DLG2: variants seen among roughly 807,000 people sequenced by gnomAD.
The protein encoded by DLG2 is discs large MAGUK scaffold protein 2.
Under a neutral mutation model 132.5 loss-of-function variants are expected in DLG2, and 45 were observed. The observed-to-expected ratio is 0.34, with a 90% CI of 0.27 to 0.44. The LOEUF (loss-of-function observed/expected upper bound fraction) is 0.44, where lower values mean the gene tolerates loss of function less well. DLG2 is among the 20% of genes least tolerant of loss of function. DLG2 has a pLI of 1.00. For synonymous variants in DLG2, 424 were observed against 419.6 expected (o/e 1.01, Z -0.13); for missense variants, 1,045 against 1,196.9 (o/e 0.87, Z 1.87).
At chr11:84,301,621 T>C (rs188695858) in intron 7 of DLG2, among the ~76,000 whole-genome samples, 4 of 125,976 alleles carry the variant, frequency 3.2e-5, no homozygotes, top group Admixed American at 1.0e-4. Flanking sequence ...ATCATGCCAC[T>C]GCACTCCAGC....
intron 19 of DLG2, among the ~76,000 whole-genome samples, chr11:83,599,326 G>A (rs2058138459): frequency 6.6e-6 from 1 of 152,058 alleles, no homozygotes; most frequent in Non-Finnish European, 1.5e-5. Context: ...TGCTGAACCA[G>A]GTCTTGCATG....
intron 6 of DLG2, among the ~76,000 whole-genome samples, chr11:84,831,768 A>G (rs1030311795): frequency 1.3e-5 from 2 of 151,692 alleles, no homozygotes; most frequent in African/African-American, 4.8e-5. Flanking sequence ...ACTCATATTC[A>G]ACTGTTTCCC....
intron 6 of DLG2, among the ~76,000 whole-genome samples, chr11:85,038,707 A>C (rs1054042550): frequency 2.6e-5 from 4 of 152,192 alleles, no homozygotes; most frequent in Middle Eastern, 3.4e-3. Context: ...TAAAAATTTA[A>C]AGAAAACAAC....
At chr11:84,214,469 C>T (rs192892133) in intron 8 of DLG2, among the ~76,000 whole-genome samples, 1 of 151,310 alleles carries the variant, frequency 6.6e-6, no homozygotes, top group Admixed American at 6.6e-5. Context: ...CTGAGTATAT[C>T]TATATGTATG....
chr11:84,888,293 C>T (rs115573052), intron 6 of DLG2, among the ~76,000 whole-genome samples: 1,892 of 152,150 alleles, frequency 0.012, 39 homozygotes, highest in African/African-American at 0.042. Context: ...ATTATCCAAT[C>T]GATTCAGGGT....
intron 7 of DLG2, among the ~76,000 whole-genome samples, chr11:84,317,527 C>T (rs187333978): frequency 2.2e-4 from 33 of 152,268 alleles, no homozygotes; most frequent in Admixed American, 2.2e-3. Context: ...TCCGGCTTTT[C>T]CCTTTCCTTG....
At chr11:85,583,088 A>ATGTGTGTGTGTGTG (rs3068389) in intron 3 of DLG2, among the ~76,000 whole-genome samples, 2 of 29,852 alleles carry the variant, frequency 6.7e-5, no homozygotes, top group African/African-American at 2.6e-4. Context: ...AATATATGTG[A>ATGTGTGTGTGTGTG]TGTGTGTGTG....
chr11:84,948,671 C>T (rs2050532953), intron 6 of DLG2, among the ~76,000 whole-genome samples: 1 of 152,186 alleles, frequency 6.6e-6, no homozygotes, highest in Non-Finnish European at 1.5e-5. Context: ...GTTCAAGATA[C>T]TGGAAACAAT....
intron 18 of DLG2, among the ~76,000 whole-genome samples, chr11:83,692,394 A>G (rs1383483798): frequency 1.3e-5 from 2 of 152,248 alleles, no homozygotes; most frequent in African/African-American, 2.4e-5. Context: ...GTTATATAAA[A>G]GAATGTAGGT....
intron 5 of DLG2, among the ~76,000 whole-genome samples, chr11:85,119,522 G>A (rs1169973774): frequency 2.0e-5 from 3 of 151,928 alleles, no homozygotes; most frequent in East Asian, 1.9e-4. Flanking sequence ...TGAGAAAAAC[G>A]GAATGGGCTG....
chr11:85,112,395 G>C (rs2072914768), intron 5 of DLG2, among the ~76,000 whole-genome samples: 1 of 151,762 alleles, frequency 6.6e-6, no homozygotes, highest in African/African-American at 2.4e-5. Context: ...CTTCTAATTG[G>C]CTTTTAAAAA....
intron 18 of DLG2, among the ~76,000 whole-genome samples, chr11:83,754,406 C>A (rs2093564541): frequency 6.6e-6 from 1 of 151,034 alleles, no homozygotes; most frequent in Non-Finnish European, 1.5e-5. Flanking sequence ...TTCTGTCTTG[C>A]CTAATTGTCT....
intron 16 of DLG2, among the ~76,000 whole-genome samples, chr11:83,849,528 A>T (rs2154027480): frequency 1.3e-5 from 2 of 151,962 alleles, no homozygotes; most frequent in Non-Finnish European, 2.9e-5. Context: ...GTAGAATAAT[A>T]AAAGAGATAC....
intron 3 of DLG2, among the ~76,000 whole-genome samples, chr11:85,395,541 C>G (rs1246549319): frequency 1.3e-5 from 2 of 152,152 alleles, no homozygotes; most frequent in African/African-American, 2.4e-5. Flanking sequence ...AGAAACGGTA[C>G]ACTCTGAGCC....
intron 6 of DLG2, among the ~76,000 whole-genome samples, chr11:84,968,521 T>C (rs1359760728): frequency 6.6e-6 from 1 of 152,166 alleles, no homozygotes; most frequent in Non-Finnish European, 1.5e-5. Flanking sequence ...GAATGAGCCT[T>C]TTGAGGGTAA....
chr11:84,788,443 G>T (rs551405384), intron 6 of DLG2, among the ~76,000 whole-genome samples: 1 of 152,072 alleles, frequency 6.6e-6, no homozygotes, highest in Non-Finnish European at 1.5e-5. Context: ...ATATCAATCA[G>T]GGTAATAAAA....
chr11:83,981,320 T>G (rs1046832562), intron 11 of DLG2, among the ~76,000 whole-genome samples: 3 of 152,110 alleles, frequency 2.0e-5, no homozygotes, highest in African/African-American at 7.2e-5. Context: ...TAACTAATTG[T>G]GAGACTAGTC....
chr11:84,289,069 A>G (rs1240652537), intron 7 of DLG2, among the ~76,000 whole-genome samples: 1 of 152,114 alleles, frequency 6.6e-6, no homozygotes, highest in Non-Finnish European at 1.5e-5. Context: ...ATTTAAAAAC[A>G]TTTCAGTGAA....
chr11:84,655,997 G>C (rs2099687777), intron 6 of DLG2, among the ~76,000 whole-genome samples: 1 of 152,204 alleles, frequency 6.6e-6, no homozygotes, highest in Non-Finnish European at 1.5e-5. Flanking sequence ...ATTTATTCAT[G>C]ACTTAGTAAC....
Sources: gnomAD v4.1 joint callset for allele counts (sites outside exome capture counted in the v4.1 genomes callset) on GRCh38, gnomAD v4.1.1 for gene constraint, MANE v1.5 for transcripts, NCBI Gene and HGNC (gene_info 2026-07-23, HGNC 2026-07-21) for gene names.